The following URAD variants were observed in gnomAD, a reference collection of about 807,000 sequenced individuals.
URAD encodes ureidoimidazoline (2-oxo-4-hydroxy-4-carboxy-5-) decarboxylase, also known as putative 2-oxo-4-hydroxy-4-carboxy-5-ureidoimidazoline decarboxylase.
URAD carries 4 observed loss-of-function variants against 4.6 expected under a neutral mutation model. The ratio of observed to expected loss-of-function variants is 0.87; its 90% CI spans 0.43 to 1.98. The LOEUF is 1.98. URAD is among the 30% of genes most tolerant of loss of function. The pLI is 0.03. For synonymous variants in URAD, 144 were observed against 118.2 expected, an observed-to-expected ratio of 1.22 and a Z score of -1.41; for missense variants, 300 against 255.3, an observed-to-expected ratio of 1.18 and a Z score of -1.19.
intron 1 of URAD, among the ~76,000 whole-genome samples, chr13:27,979,486 C>T (rs1010622784): frequency 3.3e-5 from 5 of 152,230 alleles, no homozygotes; most frequent in Admixed American, 6.5e-5. Flanking sequence ...GCCTAACTTG[C>T]TTTAGAGTTG....
chr13:27,977,812 A>G lies in URAD; in HGVS notation c.*294T>C, dbSNP rs2137552857. On this transcript the variant is annotated 3_prime_UTR_variant, in exon 2 of 2. Transcript: ENST00000332715. ...GAACTGGATAAACGCTTTGGAATCCACAAAGGCCGGTGGTGTCGGGGGCCG... is the reference window on the plus strand; with the variant it reads ...GAACTGGATAAACGCTTTGGAATCCGCAAAGGCCGGTGGTGTCGGGGGCCG... 2.5e-6 allele frequency: 1 copy of G among 392,384 alleles called. No homozygotes were observed. The highest frequency in any genetic ancestry group is 4.5e-6 in the Non-Finnish European group (1 of 221,064). The allele number at this position is 392,384 out of a possible 1,614,324, so 24.3% of individuals were successfully genotyped here.
rs772356492 is a variant in URAD at position 27,978,160 on chromosome 13, C to T, written c.468G>A (p.Lys156=). The change falls in exon 2 of 2, where the codon AAG becomes AAA. Residue 156 remains lysine (K), a synonymous_variant. Transcript: ENST00000332715. ...GGTCGGCCAGGCGCAGGCTGCCGAT[C>T]TTCTTCACCTCGCCCAGAGCAGTGC... The part of the protein sequence containing the change: ...ELRTALGEVK[K]IGSLRLADLL... 3.3e-6 allele frequency: 5 copies of T among 1,534,890 alleles called. No individual in the cohort carries two copies. The highest frequency in any genetic ancestry group is 2.0e-5 in the Admixed American group (1 of 51,160).
rs1446551302 is a variant in URAD at position 27,988,465 on chromosome 13, G to T, written c.173C>A (p.Ser58Ter). The change falls in exon 1 of 2, where the codon TCA becomes TAA. Residue 58 changes from serine (S) to a stop codon, truncating the protein, a stop_gained and splice_region_variant. Transcript: ENST00000332715. LOFTEE classifies it low-confidence loss of function (END_TRUNC). ...AATGTCTGATACGGAAGCCTTACCT[G>T]ACTGTGCAAGGGCATCAATAAAGGC... ...FFAFIDALAQSGQEGILRCHP... is the reference protein window; with the variant it reads ...FFAFIDALAQ 1.9e-6 allele frequency: 3 copies of T among 1,593,786 alleles called. No homozygotes were observed. Among genetic ancestry groups the T allele is most frequent in the South Asian group, 1.1e-5 (1 of 87,970 alleles).
At chr13:27,983,018 A>G (rs1265389512) in intron 1 of URAD, among the ~76,000 whole-genome samples, 1 of 152,086 alleles carries the variant, frequency 6.6e-6, no homozygotes, top group Non-Finnish European at 1.5e-5. Flanking sequence ...TGCATCTGAC[A>G]TAGCCCCCAC....
At chr13:27,978,585 G>A (rs1869789636) in intron 1 of URAD, 133 bp from the exon 2 acceptor site, 1 of 681,418 alleles carries the variant, frequency 1.5e-6, no homozygotes. Flanking sequence ...AGAAGGCTGC[G>A]GGAGGGTGAA....
At chr13:27,979,135 A>G (rs576422450) in intron 1 of URAD, among the ~76,000 whole-genome samples, 1 of 152,322 alleles carries the variant, frequency 6.6e-6, no homozygotes, top group South Asian at 2.1e-4. Flanking sequence ...ACCTCTAGCC[A>G]GAGTTCCACA....
In URAD at chr13:27,977,861, A is replaced by C. The variant is rs925393198; in HGVS notation, c.*245T>G. ...CGCAAAGGGAGTGAAGAATTGAAGC[A>C]GTGAGCTGGATAAATCCGGGGCAAA... On this transcript the variant is annotated 3_prime_UTR_variant, in exon 2 of 2. Transcript: ENST00000332715. 2 of 446,804 alleles carry C rather than the reference A, an allele frequency of 4.5e-6. No homozygotes were observed. Among genetic ancestry groups the C allele is most frequent in the Middle Eastern group, 5.8e-4 (1 of 1,738 alleles). The allele number at this position is 446,804 out of a possible 1,614,324, so 27.7% of individuals were successfully genotyped here.
In URAD at chr13:27,978,317, A is replaced by C; in HGVS notation, c.311T>G (p.Leu104Arg). ...GCGGTACTGCGCGTTGAGCTCGGCCAGCCGCAGCCGCTCGTCCGCGCCCAG... is the reference window on the plus strand; with the variant it reads ...GCGGTACTGCGCGTTGAGCTCGGCCCGCCGCAGCCGCTCGTCCGCGCCCAG... ...RSLGADERLR[L>R]AELNAQYRAR... The change falls in exon 2 of 2, where the codon CTG (leucine) becomes CGG (arginine). Residue 104 changes from leucine (L) to arginine (R), a missense_variant. Leu to Arg is a moderately radical substitution (Grantham distance 102). Coordinates refer to ENST00000332715, the MANE Select transcript of URAD (RefSeq NM_001105577.2). 2 of 1,395,150 alleles carry C rather than the reference A, an allele frequency of 1.4e-6. No homozygotes were observed. Among genetic ancestry groups the C allele is most frequent in the Non-Finnish European group, 1.8e-6 (2 of 1,082,556 alleles). The allele number at this position is 1,395,150 out of a possible 1,614,324, so 86.4% of individuals were successfully genotyped here.
intron 1 of URAD, among the ~76,000 whole-genome samples, chr13:27,985,634 A>G (rs1422706606): frequency 6.6e-6 from 1 of 152,178 alleles, no homozygotes; most frequent in East Asian, 1.9e-4. Context: ...TTAGTGGATA[A>G]ATGAATGAAA....
Position 27,978,391 on chromosome 13 carries a change from C to G in URAD, c.237G>C (p.Thr79=), listed in dbSNP as rs1427813297. The change falls in exon 2 of 2, where the codon ACG becomes ACC. Residue 79 remains threonine, a synonymous_variant. Coordinates refer to ENST00000332715, the MANE Select transcript of URAD (RefSeq NM_001105577.2). ...GTTCCCGCTGCGACTCGGCCGTGAG[C>G]GTGCCCCGCTGCAGCTCGCTGCCCG... is the stretch of plus-strand genomic sequence containing the variant. ...DLAGSELQRG[T]LTAESQREQS... The G allele has an allele frequency of 7.1e-7, 1 of 1,400,348 alleles. No individual in the cohort carries two copies. The highest frequency in any genetic ancestry group is 3.1e-5 in the Admixed American group (1 of 32,062). 86.7% of individuals were successfully genotyped at this position (1,400,348 alleles called of 1,614,324 possible). A position where few individuals can be genotyped will look rare whatever the true frequency, so the allele number is the denominator to read the frequency against.
intron 1 of URAD, among the ~76,000 whole-genome samples, chr13:27,984,527 ATGG>A (rs1374032065): frequency 6.6e-6 from 1 of 152,168 alleles, no homozygotes; most frequent in Admixed American, 6.6e-5. Context: ...TTTTCTGTTA[ATGG>A]TGGAGGTTTT....
At chr13:27,987,567 A>G (rs77919548) in intron 1 of URAD, among the ~76,000 whole-genome samples, 1 of 151,966 alleles carries the variant, frequency 6.6e-6, no homozygotes, top group Non-Finnish European at 1.5e-5. Flanking sequence ...GGCTCTGGAG[A>G]TAGTCTGGTA....
chr13:27,978,344 C>T lies in URAD; in HGVS notation c.284G>A (p.Ser95Asn), dbSNP rs573732351. 5.0e-6 allele frequency: 7 copies of T among 1,394,376 alleles called. No individual in the cohort carries two copies. Among genetic ancestry groups the T allele is most frequent in the Non-Finnish European group, 4.6e-6 (5 of 1,082,066 alleles). The allele number at this position is 1,394,376 out of a possible 1,614,324, so 86.4% of individuals were successfully genotyped here. A position where few individuals can be genotyped will look rare whatever the true frequency, so the allele number is the denominator to read the frequency against. ...CCGCAGCCGCTCGTCCGCGCCCAGGCTCCTCAGGCCTGCGCCGCTCTGTTC... is the reference window on the plus strand; with the variant it reads ...CCGCAGCCGCTCGTCCGCGCCCAGGTTCCTCAGGCCTGCGCCGCTCTGTTC... ...QREQSGAGLRSLGADERLRLA... is the reference protein window; with the variant it reads ...QREQSGAGLRNLGADERLRLA... The change falls in exon 2 of 2, where the codon AGC (serine) becomes AAC (asparagine). Residue 95 changes from serine (S) to asparagine (N), a missense_variant. By Grantham distance (46) the Ser-to-Asn change is conservative (BLOSUM62 1). Transcript: ENST00000332715.
intron 1 of URAD, among the ~76,000 whole-genome samples, chr13:27,984,069 C>T (rs1279349945): frequency 6.6e-6 from 1 of 151,842 alleles, no homozygotes; most frequent in Non-Finnish European, 1.5e-5. Context: ...TTTTTTGTGA[C>T]AGGGTTCTCG....
chr13:27,987,232 G>A (rs888171686), intron 1 of URAD, among the ~76,000 whole-genome samples: 1 of 151,870 alleles, frequency 6.6e-6, no homozygotes, highest in African/African-American at 2.4e-5. Context: ...TCTGCCCCTC[G>A]CCACCCCTTC....
chr13:27,988,255 C>T (rs1015358540), intron 1 of URAD, among the ~76,000 whole-genome samples: 19 of 152,074 alleles, frequency 1.2e-4, no homozygotes, highest in Non-Finnish European at 2.1e-4. Context: ...CCAACACGCC[C>T]GGCCTAAAAG....
chr13:27,982,522 C>T (rs1255735315), intron 1 of URAD, among the ~76,000 whole-genome samples: 1 of 152,144 alleles, frequency 6.6e-6, no homozygotes, highest in Non-Finnish European at 1.5e-5. Context: ...ACTCAGTACC[C>T]ACATCTCATC....
At position 27,978,319 on chromosome 13, in the gene URAD, C is replaced by A; in HGVS notation, c.309G>T (p.Arg103=). ...LRSLGADERL[R]LAELNAQYRA... ...GGTACTGCGCGTTGAGCTCGGCCAG[C>A]CGCAGCCGCTCGTCCGCGCCCAGGC... is the stretch of plus-strand genomic sequence containing the variant. Residue 103 remains arginine, a synonymous_variant, in exon 2 of 2, where the codon CGG becomes CGT. Transcript: ENST00000332715. 7.2e-6 allele frequency: 10 copies of A among 1,395,252 alleles called. No homozygotes were observed. Among genetic ancestry groups the A allele is most frequent in the Non-Finnish European group, 8.3e-6 (9 of 1,082,576 alleles). 86.4% of individuals were successfully genotyped at this position (1,395,252 alleles called of 1,614,324 possible).
At chr13:27,981,931 T>A (rs1005149903) in intron 1 of URAD, among the ~76,000 whole-genome samples, 36 of 152,182 alleles carry the variant, frequency 2.4e-4, no homozygotes, top group Non-Finnish European at 3.4e-4. Flanking sequence ...CTGCTCCTCC[T>A]TACAGAAAAG....
Sources: allele counts gnomAD v4.1 joint callset (sites outside exome capture counted in the v4.1 genomes callset), GRCh38; gene constraint gnomAD v4.1.1; transcripts MANE v1.5; gene names NCBI Gene and HGNC (gene_info 2026-07-23, HGNC 2026-07-21).